The following ITPRID1 variants were observed in gnomAD, a reference collection of about 807,000 sequenced individuals.
ITPRID1 encodes the protein ITPR interacting domain containing 1, also known as protein ITPRID1.
ITPRID1 carries 96 observed loss-of-function variants against 95.4 expected under a neutral mutation model. That is an observed-to-expected ratio of 1.01 (90% CI 0.85 to 1.19). ITPRID1 has a LOEUF of 1.19. Ranked by LOEUF, ITPRID1 falls within the 50% of genes most tolerant of loss-of-function variation. The pLI is 0.00. For missense variants in ITPRID1, 1,339 were observed against 1,252.9 expected (o/e 1.07, Z -1.04); for synonymous variants, 510 against 453.6 (o/e 1.12, Z -1.58).
chr7:31,548,343 A>T (rs867584156), intron 1 of ITPRID1, among the ~76,000 whole-genome samples: 39 of 152,270 alleles, frequency 2.6e-4, no homozygotes, highest in Middle Eastern at 3.4e-3. Flanking sequence ...ATGACTACAT[A>T]GTCTGATGGC....
At chr7:31,623,632 A>G (rs527280574) in intron 10 of ITPRID1, among the ~76,000 whole-genome samples, 17,744 of 137,076 alleles carry the variant, frequency 0.13, 1,525 homozygotes, top group Middle Eastern at 0.18. Flanking sequence ...TCTATGACAA[A>G]CCCACAGCCA....
intron 10 of ITPRID1, among the ~76,000 whole-genome samples, chr7:31,617,916 A>G (rs1787421838): frequency 6.6e-6 from 1 of 152,244 alleles, no homozygotes; most frequent in Non-Finnish European, 1.5e-5. Flanking sequence ...AAGAAGATAA[A>G]GTCCCTTTTC....
Position 31,639,582 on chromosome 7 carries a change from G to A in ITPRID1, c.1229-2594G>A, listed in dbSNP as rs186799272. Among the ~76,000 whole-genome samples the A allele has an allele frequency of 3.0e-3, 439 of 148,374 alleles. 9 individuals carry two copies. Among genetic ancestry groups the A allele is most frequent in the Admixed American group, 0.028 (411 of 14,840 alleles). On this transcript the variant is annotated intron_variant, in intron 10 of 14. Transcript: ENST00000615280. ...GATGGAGTCTCACTCTGTCTCCCAG[G>A]CTGGAGTGCAGTGGCGCAATCTCAG...
downstream of ITPRID1, chr7:31,658,299 C>CTTTTTTTTT: frequency 7.2e-7 from 1 of 1,388,398 alleles, no homozygotes; most frequent in Non-Finnish European, 9.5e-7. Flanking sequence ...AGCTGGATCC[C>CTTTTTTTTT]TTTTTTTTTT....
intron 1 of ITPRID1, among the ~76,000 whole-genome samples, chr7:31,521,767 C>A (rs2128127397): frequency 7.0e-6 from 1 of 141,990 alleles, no homozygotes; most frequent in South Asian, 2.5e-4. Flanking sequence ...CTCACCCAAG[C>A]TATAGTACAG....
chr7:31,580,405 GT>G (rs1490938382), intron 9 of ITPRID1, among the ~76,000 whole-genome samples: 1 of 151,400 alleles, frequency 6.6e-6, no homozygotes, highest in Non-Finnish European at 1.5e-5. Flanking sequence ...AGACTCTATT[GT>G]CCCTGAAGGT....
intron 10 of ITPRID1, among the ~76,000 whole-genome samples, chr7:31,585,757 T>A (rs528149005): frequency 5.8e-4 from 89 of 152,280 alleles, no homozygotes; most frequent in African/African-American, 2.0e-3. Flanking sequence ...ATTGTAAGAT[T>A]TAGCAGTTCA....
intron 13 of ITPRID1, 86 bp from the exon 14 acceptor site, chr7:31,651,853 G>C (rs927331626): frequency 1.1e-6 from 1 of 888,020 alleles, no homozygotes. Context: ...AATTGCAAAG[G>C]AAGAACCTAT....
chr7:31,552,040 G>C, intron 2 of ITPRID1: 1 of 346,494 alleles, frequency 2.9e-6, no homozygotes, highest in Non-Finnish European at 5.9e-6. Flanking sequence ...AAATGAGTAA[G>C]AGAATGGCCC....
At chr7:31,549,348 C>A in intron 1 of ITPRID1, 78 bp from the exon 2 acceptor site, 2 of 1,072,304 alleles carry the variant, frequency 1.9e-6, no homozygotes, top group Non-Finnish European at 1.2e-6. Context: ...CACAGGCTAC[C>A]CACAAACTAA....
At chr7:31,632,340 T>C (rs1039476540) in intron 10 of ITPRID1, among the ~76,000 whole-genome samples, 5 of 152,010 alleles carry the variant, frequency 3.3e-5, no homozygotes, top group Admixed American at 2.6e-4. Context: ...CCCAGCTACT[T>C]GAGAGGCTGA....
intron 1 of ITPRID1, among the ~76,000 whole-genome samples, chr7:31,535,030 G>C (rs1243779205): frequency 6.6e-6 from 1 of 152,024 alleles, no homozygotes; most frequent in Non-Finnish European, 1.5e-5. Context: ...CTGTGCGATA[G>C]AGTAGCTCAC....
chr7:31,606,427 T>G (rs1786625779), intron 10 of ITPRID1, among the ~76,000 whole-genome samples: 1 of 148,184 alleles, frequency 6.7e-6, no homozygotes, highest in Non-Finnish European at 1.5e-5. Flanking sequence ...TTGCTAAATA[T>G]CTTCATAGTG....
At chr7:31,541,720 A>G (rs1250290374) in intron 1 of ITPRID1, among the ~76,000 whole-genome samples, 1 of 152,184 alleles carries the variant, frequency 6.6e-6, no homozygotes, top group Admixed American at 6.6e-5. Context: ...TTACCTTTAT[A>G]TTAGTGTGCT....
At chr7:31,593,587 T>C (rs1785954964) in intron 10 of ITPRID1, among the ~76,000 whole-genome samples, 1 of 152,208 alleles carries the variant, frequency 6.6e-6, no homozygotes, top group South Asian at 2.1e-4. Flanking sequence ...ACAGTAAGAA[T>C]GTGAAACTGA....
intron 10 of ITPRID1, among the ~76,000 whole-genome samples, chr7:31,616,639 T>TTAGATCATAA (rs1787260065): frequency 6.6e-6 from 1 of 152,178 alleles, no homozygotes; most frequent in Non-Finnish European, 1.5e-5. Context: ...AAATAGTATC[T>TTAGATCATAA]TAGATCATAA....
At chr7:31,633,453 G>A (rs997824536) in intron 10 of ITPRID1, among the ~76,000 whole-genome samples, 1 of 152,120 alleles carries the variant, frequency 6.6e-6, no homozygotes, top group African/African-American at 2.4e-5. Flanking sequence ...GAAGGGAGGT[G>A]GCACCATCCT....
intron 8 of ITPRID1, 134 bp from the exon 9 acceptor site, chr7:31,577,729 T>G (rs1002831006): frequency 3.0e-6 from 2 of 677,660 alleles, no homozygotes; most frequent in African/African-American, 3.6e-5. Context: ...TGAGAAAAAC[T>G]TGAGTTTCAA....
chr7:31,542,270 C>T (rs1214816753), intron 1 of ITPRID1, among the ~76,000 whole-genome samples: 1 of 152,140 alleles, frequency 6.6e-6, no homozygotes, highest in Non-Finnish European at 1.5e-5. Flanking sequence ...TTCCATGTGT[C>T]CTAGGTCTTA....
Sources: gnomAD v4.1 joint callset for allele counts (sites outside exome capture counted in the v4.1 genomes callset) on GRCh38, gnomAD v4.1.1 for gene constraint, MANE v1.5 for transcripts, NCBI Gene and HGNC (gene_info 2026-07-23, HGNC 2026-07-21) for gene names.